FGF2: variants seen among roughly 807,000 people sequenced by gnomAD.
FGF2 encodes the protein fibroblast growth factor 2.
Under a neutral mutation model 15.9 loss-of-function variants are expected in FGF2, and 13 were observed. That is an observed-to-expected ratio of 0.82 (90% CI 0.53 to 1.30). The LOEUF is 1.30. Ranked by LOEUF, FGF2 falls within the 50% of genes most tolerant of loss-of-function variation. The probability of loss-of-function intolerance (pLI) is 0.00; values close to 1 mark genes in which losing one functional copy is unlikely to be tolerated. For missense variants in FGF2, 163 were observed against 196.9 expected, an observed-to-expected ratio of 0.83 and a Z score of 1.03; for synonymous variants, 90 against 78.4, an observed-to-expected ratio of 1.15 and a Z score of -0.78.
intron 1 of FGF2, among the ~76,000 whole-genome samples, chr4:122,830,369 A>G (rs973818777): frequency 6.6e-6 from 1 of 152,042 alleles, no homozygotes; most frequent in South Asian, 2.1e-4. Flanking sequence ...AAGAGGTAGG[A>G]GAAGATGACA....
intron 1 of FGF2, among the ~76,000 whole-genome samples, chr4:122,875,426 A>C (rs1726819014): frequency 6.6e-6 from 1 of 152,012 alleles, no homozygotes; most frequent in Non-Finnish European, 1.5e-5. Flanking sequence ...ATATTTGCAC[A>C]CAAAAAAATA....
chr4:122,863,523 C>T (rs921242266), intron 1 of FGF2, among the ~76,000 whole-genome samples: 4 of 152,100 alleles, frequency 2.6e-5, no homozygotes, highest in African/African-American at 9.7e-5. Flanking sequence ...TCTCTTTTGT[C>T]TCTCCCTTGC....
chr4:122,874,440 CA>C (rs1006490822), intron 1 of FGF2, among the ~76,000 whole-genome samples: 1 of 152,156 alleles, frequency 6.6e-6, no homozygotes, highest in African/African-American at 2.4e-5. Context: ...TTCTGGAATC[CA>C]GGGGTGACTG....
At chr4:122,885,913 CTTTTTTTT>C (rs11310783) in intron 2 of FGF2, among the ~76,000 whole-genome samples, 18,083 of 85,072 alleles carry the variant, frequency 0.21, 1,534 homozygotes, top group East Asian at 0.47. Context: ...TTTTTTTTTC[CTTTTTTTT>C]TTTTTTTTTT....
In FGF2 at chr4:122,893,148, G is replaced by C; in HGVS notation, c.*752G>C. 6.2e-7 allele frequency: 1 copy of C among 1,614,160 alleles called. No homozygotes were observed. The highest frequency in any genetic ancestry group is 8.5e-7 in the Non-Finnish European group (1 of 1,180,028). ...CCAAAAGCTCCAGGATTTGTGTGCT[G>C]TTGCCGAATACTCAGGACGGACCTG... On this transcript the variant is annotated 3_prime_UTR_variant, in exon 3 of 3. Coordinates refer to ENST00000644866, the MANE Select transcript of FGF2 (RefSeq NM_001361665.2).
At chr4:122,847,362 C>G (rs1726134073) in intron 1 of FGF2, among the ~76,000 whole-genome samples, 1 of 152,118 alleles carries the variant, frequency 6.6e-6, no homozygotes, top group Non-Finnish European at 1.5e-5. Flanking sequence ...AGCTAGGAGT[C>G]TGTGGAGTGG....
rs1293274528 is a variant in FGF2 at position 122,827,071 on chromosome 4, GCCGTGC to G, written c.-101_-96del. 3 of 1,122,540 alleles carry G rather than the reference GCCGTGC, an allele frequency of 2.7e-6. No individual in the cohort carries two copies. In the East Asian group the frequency reaches 1.4e-4, roughly 54 times the overall value. The allele number at this position is 1,122,540 out of a possible 1,614,324, so 69.5% of individuals were successfully genotyped here. On this transcript the variant is annotated 5_prime_UTR_variant, in exon 1 of 3. Transcript: ENST00000644866. The surrounding 1 kb of genome is among the most constrained non-coding windows in gnomAD (Gnocchi z 4.2). ...GGGAGGCTGGGGGGCCGGGGCCGGGGCCGTGCCCCGGAGCGGGTCGGAGGCCGGGGC... is the reference window on the plus strand; with the variant it reads ...GGGAGGCTGGGGGGCCGGGGCCGGGGCCCGGAGCGGGTCGGAGGCCGGGGC...
At chr4:122,876,235 G>A in intron 1 of FGF2, 86 bp from the exon 2 acceptor site, 2 of 831,568 alleles carry the variant, frequency 2.4e-6, no homozygotes, top group Admixed American at 3.6e-5. Flanking sequence ...TTGCTTAGGT[G>A]TGTTTTGTCT....
chr4:122,886,738 T>G (rs1727067433), intron 2 of FGF2, among the ~76,000 whole-genome samples: 1 of 152,216 alleles, frequency 6.6e-6, no homozygotes, highest in Non-Finnish European at 1.5e-5. Flanking sequence ...GCATTTATTT[T>G]AAGTACTTCA....
At chr4:122,859,429 C>T (rs1726410610) in intron 1 of FGF2, among the ~76,000 whole-genome samples, 1 of 152,066 alleles carries the variant, frequency 6.6e-6, no homozygotes, top group Non-Finnish European at 1.5e-5. Flanking sequence ...AAGAACTGGG[C>T]TCGCTATGGT....
chr4:122,869,719 G>A (rs1200539340), intron 1 of FGF2, among the ~76,000 whole-genome samples: 1 of 152,176 alleles, frequency 6.6e-6, no homozygotes, highest in Non-Finnish European at 1.5e-5. Context: ...TTGCTTGTCA[G>A]TTTAAGGAGT....
At chr4:122,829,930 C>G (rs940804789) in intron 1 of FGF2, among the ~76,000 whole-genome samples, 8 of 152,184 alleles carry the variant, frequency 5.3e-5, no homozygotes, top group Non-Finnish European at 1.5e-5. Flanking sequence ...ACAAATAAAA[C>G]TGACCAGAAA....
chr4:122,860,760 T>G (rs1726446135), intron 1 of FGF2, among the ~76,000 whole-genome samples: 1 of 152,210 alleles, frequency 6.6e-6, no homozygotes, highest in Non-Finnish European at 1.5e-5. Context: ...CCAGCCTTAC[T>G]TCTTACATAT....
At position 122,884,972 on chromosome 4, in the gene FGF2, G is replaced by A. The variant is rs562366045; in HGVS notation, c.283-7239G>A. 2.6e-5 allele frequency among the ~76,000 whole-genome samples: 4 copies of A among 152,292 alleles called. No homozygotes were observed. In the South Asian group the frequency reaches 8.3e-4, roughly 32 times the overall value. On this transcript the variant is annotated intron_variant, in intron 2 of 2. Coordinates refer to ENST00000644866, the MANE Select transcript of FGF2 (RefSeq NM_001361665.2). The stretch of plus-strand genomic sequence containing the variant: ...AAAGTGATGCCTAGAGAAGTTAAAG[G>A]ACTTGATTGAAAATACAAGTTAGTT...
At chr4:122,861,241 T>A (rs932659631) in intron 1 of FGF2, among the ~76,000 whole-genome samples, 8 of 152,228 alleles carry the variant, frequency 5.3e-5, no homozygotes, top group Non-Finnish European at 8.8e-5. Context: ...TAGCTCTGAT[T>A]ATTACCTCTT....
At chr4:122,860,780 C>T (rs1345013224) in intron 1 of FGF2, among the ~76,000 whole-genome samples, 1 of 152,108 alleles carries the variant, frequency 6.6e-6, no homozygotes, top group African/African-American at 2.4e-5. Flanking sequence ...TCTGTGGCAC[C>T]TTTGTCAAAA....
rs113672587 is a variant in FGF2, at chr4:122,827,240, G to T, written c.66G>T (p.Pro22=). 1.3e-5 allele frequency: 21 copies of T among 1,611,730 alleles called. No individual in the cohort carries two copies. The highest frequency in any genetic ancestry group is 3.3e-4 in the Middle Eastern group (2 of 6,044). ...LPEDGGSGAF[P]PGHFKDPKRL... ...AGGATGGCGGCAGCGGCGCCTTCCC[G>T]CCCGGCCACTTCAAGGACCCCAAGC... Residue 22 remains proline, a synonymous_variant, in exon 1 of 3, where the codon CCG becomes CCT. Transcript: ENST00000644866. This position sits in a 1 kb window ranked among gnomAD's most constrained non-coding sequence, Gnocchi z 4.2.
intron 1 of FGF2, among the ~76,000 whole-genome samples, chr4:122,838,036 G>A (rs1223521761): frequency 6.6e-6 from 1 of 152,134 alleles, no homozygotes; most frequent in African/African-American, 2.4e-5. Context: ...GTGAGATTGG[G>A]AAGATAATTT....
At position 122,895,106 on chromosome 4, in the gene FGF2, C is replaced by CTT. The variant is rs748530905; in HGVS notation, c.*2713_*2714dup. 4 of 152,168 alleles carry CTT rather than the reference C, an allele frequency of 2.6e-5. No individual in the cohort carries two copies. Among genetic ancestry groups the CTT allele is most frequent in the Non-Finnish European group, 5.9e-5 (4 of 68,022 alleles). 9.4% of individuals were successfully genotyped at this position (152,168 alleles called of 1,614,324 possible). A position where few individuals can be genotyped will look rare whatever the true frequency, so the allele number is the denominator to read the frequency against. On this transcript the variant is annotated 3_prime_UTR_variant, in exon 3 of 3. Transcript: ENST00000644866. ...TGAAAATTGAATGGGCAAATAAGTG[C>CTT]TTTTGTCTCCAGAGTATGCGGGAGA...
Sources: gnomAD v4.1 joint callset for allele counts (sites outside exome capture counted in the v4.1 genomes callset) on GRCh38, gnomAD v4.1.1 for gene constraint, Gnocchi (gnomAD v3.1) non-coding constraint, MANE v1.5 for transcripts, NCBI Gene and HGNC (gene_info 2026-07-23, HGNC 2026-07-21) for gene names.